The following AUTS2 variants were observed in gnomAD, a reference collection of about 807,000 sequenced individuals.
AUTS2 encodes the protein activator of transcription and developmental regulator AUTS2, also known as autism susceptibility gene 2 protein.
AUTS2 carries 17 observed loss-of-function variants against 112.4 expected under a neutral mutation model. That is an observed-to-expected ratio of 0.15 (90% CI 0.10 to 0.23). The LOEUF is 0.23. Ranked by LOEUF, AUTS2 falls within the 10% of genes least tolerant of loss-of-function variation. The pLI is 1.00. For missense variants in AUTS2, 1,510 were observed against 1,701.6 expected, an observed-to-expected ratio of 0.89 and a Z score of 1.98; for synonymous variants, 751 against 702.7, an observed-to-expected ratio of 1.07 and a Z score of -1.09.
At chr7:70,602,395 G>A (rs771863435) in intron 5 of AUTS2, among the ~76,000 whole-genome samples, 2 of 152,036 alleles carry the variant, frequency 1.3e-5, no homozygotes, top group South Asian at 2.1e-4. Flanking sequence ...TGTTTTCATC[G>A]GGCACTTTTA....
intron 4 of AUTS2, among the ~76,000 whole-genome samples, chr7:70,406,726 A>G (rs951376939): frequency 6.6e-6 from 1 of 152,228 alleles, no homozygotes; most frequent in African/African-American, 2.4e-5. Flanking sequence ...TCCCAGTGAC[A>G]TCAATTCGTC....
At chr7:69,876,349 A>ATATATATATAT (rs1247359824) in intron 1 of AUTS2, among the ~76,000 whole-genome samples, 1 of 29,492 alleles carries the variant, frequency 3.4e-5, no homozygotes, top group African/African-American at 1.5e-4. Flanking sequence ...AAAAAAAAAA[A>ATATATATATAT]ATATATATAT....
At chr7:70,013,008 C>T (rs1563039153) in intron 2 of AUTS2, among the ~76,000 whole-genome samples, 1 of 152,064 alleles carries the variant, frequency 6.6e-6, no homozygotes, top group Non-Finnish European at 1.5e-5. Flanking sequence ...AGAAAATTTC[C>T]ATATGGTTAC....
chr7:70,181,365 A>G (rs1431279055), intron 4 of AUTS2, among the ~76,000 whole-genome samples: 1 of 152,234 alleles, frequency 6.6e-6, no homozygotes, highest in Non-Finnish European at 1.5e-5. Context: ...TCGTATCTTG[A>G]AGCCATATGC....
chr7:69,968,486 C>G (rs1272551811), intron 2 of AUTS2, among the ~76,000 whole-genome samples: 1 of 152,146 alleles, frequency 6.6e-6, no homozygotes, highest in African/African-American at 2.4e-5. Flanking sequence ...GGTTCCACAT[C>G]CATATGTGTC....
At chr7:70,647,146 A>G (rs984519873) in intron 5 of AUTS2, among the ~76,000 whole-genome samples, 12 of 152,178 alleles carry the variant, frequency 7.9e-5, no homozygotes, top group Non-Finnish European at 1.5e-5. Flanking sequence ...ATGTTGGAGA[A>G]TGCGTTCTGG....
At chr7:69,657,152 G>C (rs763322112) in intron 1 of AUTS2, among the ~76,000 whole-genome samples, 2 of 152,188 alleles carry the variant, frequency 1.3e-5, no homozygotes, top group Non-Finnish European at 2.9e-5. Flanking sequence ...CATCCGGGCA[G>C]ACAGTTGTGA....
At chr7:69,658,971 G>C (rs1360454439) in intron 1 of AUTS2, among the ~76,000 whole-genome samples, 1 of 152,172 alleles carries the variant, frequency 6.6e-6, no homozygotes, top group Non-Finnish European at 1.5e-5. Flanking sequence ...TAAGGAATAT[G>C]CTTCAAGGAG....
rs1398504270 is a variant in AUTS2 at position 69,774,072 on chromosome 7, ACCC to A, written c.310-125213_310-125211del. On this transcript the variant is annotated intron_variant, in intron 1 of 18. Coordinates refer to ENST00000342771, the MANE Select transcript of AUTS2 (RefSeq NM_015570.4). The stretch of plus-strand genomic sequence containing the variant: ...GCGCCCTGGAGGAAGCAGAGTCCAC[ACCC>A]ACCACCCCATGCTACATGTCAACAG... Among the ~76,000 whole-genome samples the A allele has an allele frequency of 2.0e-5, 3 of 152,342 alleles. No homozygotes were observed. The South Asian group carries it at 6.2e-4, about 32-fold the overall frequency.
At chr7:69,678,542 A>C (rs1292363920) in intron 1 of AUTS2, among the ~76,000 whole-genome samples, 2 of 152,216 alleles carry the variant, frequency 1.3e-5, no homozygotes, top group Non-Finnish European at 2.9e-5. Context: ...ACTTAACCAA[A>C]TTGCCTCGTG....
At position 69,894,429 on chromosome 7, in the gene AUTS2, T is replaced by C. The variant is rs138752950; in HGVS notation, c.310-4857T>C. Among the ~76,000 whole-genome samples the C allele has an allele frequency of 1.2e-3, 186 of 152,178 alleles. 1 individual carries two copies. The highest frequency in any genetic ancestry group is 0.012 in the East Asian group (62 of 5,176). ...AAAATAGATTAACAGAAGAAAAGCA[T>C]ATGGATTTTGACACATATATAGGAG... On this transcript the variant is annotated intron_variant, in intron 1 of 18. Coordinates refer to ENST00000342771, the MANE Select transcript of AUTS2 (RefSeq NM_015570.4).
chr7:70,348,531 A>G (rs573196959), intron 4 of AUTS2, among the ~76,000 whole-genome samples: 3 of 152,212 alleles, frequency 2.0e-5, no homozygotes, highest in African/African-American at 7.2e-5. Flanking sequence ...CTGGCTGGGC[A>G]CGGTGGCTCA....
At chr7:69,948,741 G>A (rs1796911213) in intron 2 of AUTS2, among the ~76,000 whole-genome samples, 1 of 151,668 alleles carries the variant, frequency 6.6e-6, no homozygotes, top group South Asian at 2.1e-4. Flanking sequence ...TGTGTTAATA[G>A]CATTTGAAAA....
chr7:70,303,422 A>ACGCG (rs776005782), intron 4 of AUTS2, among the ~76,000 whole-genome samples: 44 of 125,754 alleles, frequency 3.5e-4, no homozygotes, highest in East Asian at 3.0e-3. Flanking sequence ...GCACACACAC[A>ACGCG]CGCGCGCGCG....
At position 69,964,936 on chromosome 7, in the gene AUTS2, T is replaced by TA. The variant is rs1340899692; in HGVS notation, c.522+65440dup. On this transcript the variant is annotated intron_variant, in intron 2 of 18. Coordinates refer to ENST00000342771, the MANE Select transcript of AUTS2 (RefSeq NM_015570.4). ...CCTTGTCCAGCTTGCAGTACTTGAGTAATCCCCTCACCCCTCACCACCTTC... is the reference window on the plus strand; with the variant it reads ...CCTTGTCCAGCTTGCAGTACTTGAGTAAATCCCCTCACCCCTCACCACCTTC... Among the ~76,000 whole-genome samples, 5 of 152,052 alleles carry TA rather than the reference T, an allele frequency of 3.3e-5. No homozygotes were observed. In the East Asian group the frequency reaches 7.8e-4, roughly 24 times the overall value.
chr7:70,169,936 T>C (rs1200721598), intron 4 of AUTS2, among the ~76,000 whole-genome samples: 1 of 152,136 alleles, frequency 6.6e-6, no homozygotes, highest in Admixed American at 6.5e-5. Context: ...ATTTGCTGCT[T>C]AATTTTGTAA....
chr7:70,611,463 T>C (rs908586557), intron 5 of AUTS2, among the ~76,000 whole-genome samples: 1 of 152,220 alleles, frequency 6.6e-6, no homozygotes, highest in African/African-American at 2.4e-5. Flanking sequence ...CCTGACATTA[T>C]AGAGTGCCAT....
intron 2 of AUTS2, among the ~76,000 whole-genome samples, chr7:70,027,962 G>C (rs994581530): frequency 6.6e-6 from 1 of 152,042 alleles, no homozygotes; most frequent in African/African-American, 2.4e-5. Context: ...CATGTGAAGT[G>C]GAATTAAGAC....
intron 4 of AUTS2, among the ~76,000 whole-genome samples, chr7:70,230,427 A>G (rs1317062795): frequency 6.6e-6 from 1 of 152,204 alleles, no homozygotes; most frequent in Non-Finnish European, 1.5e-5. Context: ...AAATCAAAAT[A>G]GTTGAGTGCT....
Sources: gnomAD v4.1 joint callset for allele counts (sites outside exome capture counted in the v4.1 genomes callset) on GRCh38, gnomAD v4.1.1 for gene constraint, MANE v1.5 for transcripts, NCBI Gene and HGNC (gene_info 2026-07-23, HGNC 2026-07-21) for gene names.